GPD1L: variants seen among roughly 807,000 people sequenced by gnomAD.
GPD1L encodes the protein glycerol-3-phosphate dehydrogenase 1 like, also known as glycerol-3-phosphate dehydrogenase 1-like protein.
GPD1L carries 17 observed loss-of-function variants against 32.9 expected under a neutral mutation model. The ratio of observed to expected loss-of-function variants is 0.52; its 90% CI spans 0.35 to 0.78. GPD1L has a LOEUF of 0.78. Among genes scored for constraint, GPD1L ranks in the 30% least tolerant of loss-of-function variants. The probability of loss-of-function intolerance (pLI) is 0.01; values close to 1 mark genes in which losing one functional copy is unlikely to be tolerated. For missense variants in GPD1L, 361 were observed against 447.8 expected, an observed-to-expected ratio of 0.81 and a Z score of 1.75; for synonymous variants, 187 against 165.9, an observed-to-expected ratio of 1.13 and a Z score of -0.98.
At chr3:32,114,587 A>G (rs1700300192) in intron 1 of GPD1L, among the ~76,000 whole-genome samples, 1 of 152,238 alleles carries the variant, frequency 6.6e-6, no homozygotes, top group Admixed American at 6.5e-5. Flanking sequence ...CATAACCTTC[A>G]GTTTGAGAAA....
intron 2 of GPD1L, among the ~76,000 whole-genome samples, chr3:32,132,822 G>A (rs1321376935): frequency 6.6e-6 from 1 of 152,132 alleles, no homozygotes; most frequent in Non-Finnish European, 1.5e-5. Flanking sequence ...GTTGTACTGG[G>A]GAATCCAGGC....
At position 32,128,334 on chromosome 3, in the gene GPD1L, G is replaced by A. The variant is rs571358877; in HGVS notation, c.225+81G>A. ...AGCAGCACTTGGGTTTTGGAACTGG[G>A]AAAGCTGCTTCCCTTTTCCCCAGTT... is the stretch of plus-strand genomic sequence containing the variant. On this transcript the variant is annotated intron_variant, in intron 2 of 7. Coordinates refer to ENST00000282541, the MANE Select transcript of GPD1L (RefSeq NM_015141.4). The A allele has an allele frequency of 1.2e-4, 132 of 1,141,370 alleles. 1 individual carries two copies. The African/African-American group carries it at 1.8e-3, about 15-fold the overall frequency. The allele number at this position is 1,141,370 out of a possible 1,614,324, so 70.7% of individuals were successfully genotyped here.
Position 32,166,818 on chromosome 3 carries a change from A to T in GPD1L, c.*908A>T, listed in dbSNP as rs1348877664. On this transcript the variant is annotated 3_prime_UTR_variant, in exon 8 of 8. Coordinates refer to ENST00000282541, the MANE Select transcript of GPD1L (RefSeq NM_015141.4). Reference sequence around the variant, plus strand: ...CAGTGCCAAGGTGCATGACCCTCTGAGAAGTCACTGGGCTGATTTGACCTC... The same window carrying T: ...CAGTGCCAAGGTGCATGACCCTCTGTGAAGTCACTGGGCTGATTTGACCTC... 1 of 152,322 alleles carries T rather than the reference A, an allele frequency of 6.6e-6. No individual in the cohort carries two copies. Among genetic ancestry groups the T allele is most frequent in the Non-Finnish European group, 1.5e-5 (1 of 68,094 alleles). 9.4% of individuals were successfully genotyped at this position (152,322 alleles called of 1,614,324 possible).
intron 5 of GPD1L, chr3:32,158,550 A>G: frequency 2.2e-6 from 1 of 463,182 alleles, no homozygotes; most frequent in East Asian, 4.2e-5. Flanking sequence ...CATTCCATTT[A>G]AAACAAAACA....
intron 6 of GPD1L, among the ~76,000 whole-genome samples, chr3:32,159,355 G>T (rs1270413283): frequency 6.6e-6 from 1 of 151,878 alleles, no homozygotes; most frequent in Admixed American, 6.6e-5. Flanking sequence ...GCTAGGCCGG[G>T]CGTGGTGGCT....
intron 7 of GPD1L, among the ~76,000 whole-genome samples, chr3:32,162,017 C>T (rs1453499528): frequency 1.3e-5 from 2 of 152,210 alleles, no homozygotes; most frequent in East Asian, 3.8e-4. Flanking sequence ...CTGTTTCCTT[C>T]TCCCTCCCTT....
intron 1 of GPD1L, among the ~76,000 whole-genome samples, chr3:32,121,752 T>TAC (rs200571221): frequency 1.5e-5 from 2 of 134,654 alleles, no homozygotes; most frequent in Admixed American, 1.8e-4. Context: ...TATATATTTC[T>TAC]ATATATATAT....
chr3:32,113,874 T>A (rs1321174921), intron 1 of GPD1L, among the ~76,000 whole-genome samples: 3 of 152,144 alleles, frequency 2.0e-5, no homozygotes, highest in African/African-American at 4.8e-5. Context: ...TTGTTATTTT[T>A]TGGGAGTCTC....
At chr3:32,164,227 T>C (rs1701114057) in intron 7 of GPD1L, among the ~76,000 whole-genome samples, 1 of 152,216 alleles carries the variant, frequency 6.6e-6, no homozygotes. Flanking sequence ...GCTACCACAC[T>C]GCTTTGGGGA....
intron 5 of GPD1L, among the ~76,000 whole-genome samples, chr3:32,153,937 C>A (rs79810755): frequency 6.6e-6 from 1 of 152,066 alleles, no homozygotes; most frequent in Admixed American, 6.6e-5. Context: ...GAGCTACATA[C>A]GTCTGTTTTC....
chr3:32,108,255 C>T (rs946313952), intron 1 of GPD1L, among the ~76,000 whole-genome samples: 1 of 151,992 alleles, frequency 6.6e-6, no homozygotes, highest in African/African-American at 2.4e-5. Context: ...CATGGTGGCT[C>T]ACGCTTGTAA....
chr3:32,122,270 A>C (rs1287185547), intron 1 of GPD1L, among the ~76,000 whole-genome samples: 2 of 152,210 alleles, frequency 1.3e-5, no homozygotes, highest in Non-Finnish European at 2.9e-5. Flanking sequence ...ATGAATTAGC[A>C]GCAAGTGCAG....
intron 2 of GPD1L, among the ~76,000 whole-genome samples, chr3:32,132,376 T>A (rs1700598065): frequency 6.6e-6 from 1 of 152,042 alleles, no homozygotes; most frequent in Non-Finnish European, 1.5e-5. Flanking sequence ...GGATGAAGAG[T>A]TTTGTTTCAG....
At position 32,127,379 on chromosome 3, in the gene GPD1L, G is replaced by A. The variant is rs191729228; in HGVS notation, c.48-697G>A. Among the ~76,000 whole-genome samples the A allele has an allele frequency of 1.2e-3, 176 of 152,352 alleles. 2 individuals are homozygous for A. The highest frequency in any genetic ancestry group is 4.1e-3 in the African/African-American group (172 of 41,582). On this transcript the variant is annotated intron_variant, in intron 1 of 7. Coordinates refer to ENST00000282541, the MANE Select transcript of GPD1L (RefSeq NM_015141.4). The stretch of plus-strand genomic sequence containing the variant: ...AGCAGCTTCTGTGAGATGGACACAG[G>A]TGCCTGGTCCAACCTCCTCTGCTGC...
intron 1 of GPD1L, among the ~76,000 whole-genome samples, chr3:32,121,961 G>A (rs745688951): frequency 3.3e-5 from 5 of 151,872 alleles, no homozygotes; most frequent in Non-Finnish European, 7.4e-5. Context: ...AGCAGAGACG[G>A]TGTTTTACCA....
chr3:32,123,578 G>A (rs1700455865), intron 1 of GPD1L, among the ~76,000 whole-genome samples: 1 of 152,056 alleles, frequency 6.6e-6, no homozygotes, highest in Non-Finnish European at 1.5e-5. Flanking sequence ...AAGATTACCT[G>A]ACCCCCCCAT....
chr3:32,108,751 A>G (rs1575104639), intron 1 of GPD1L, among the ~76,000 whole-genome samples: 1 of 152,344 alleles, frequency 6.6e-6, no homozygotes, highest in South Asian at 2.1e-4. Flanking sequence ...TGCATTTTTC[A>G]ACCAACAACA....
intron 2 of GPD1L, among the ~76,000 whole-genome samples, chr3:32,130,435 T>C (rs1269649546): frequency 6.6e-6 from 1 of 152,144 alleles, no homozygotes; most frequent in African/African-American, 2.4e-5. Flanking sequence ...TGCATTTCCG[T>C]CAACACAAGC....
chr3:32,139,830 CTCTT>C (rs1372355128), intron 3 of GPD1L, among the ~76,000 whole-genome samples: 1 of 152,212 alleles, frequency 6.6e-6, no homozygotes, highest in African/African-American at 2.4e-5. Context: ...TGGCACAACT[CTCTT>C]TATAGACTTG....
Sources: allele counts gnomAD v4.1 joint callset (sites outside exome capture counted in the v4.1 genomes callset), GRCh38; gene constraint gnomAD v4.1.1; transcripts MANE v1.5; gene names NCBI Gene and HGNC (gene_info 2026-07-23, HGNC 2026-07-21).